SAMD5: variants seen among roughly 807,000 people sequenced by gnomAD.
The protein encoded by SAMD5 is sterile alpha motif domain containing 5, also known as sterile alpha motif domain-containing protein 5.
A neutral mutation model predicts 11.3 loss-of-function variants in SAMD5; 13 were observed. That is an observed-to-expected ratio of 1.15 (90% CI 0.75 to 1.83). The LOEUF is 1.83. Among genes scored for constraint, SAMD5 ranks in the 40% most tolerant of loss-of-function variants. The pLI, the probability that SAMD5 is intolerant of heterozygous loss-of-function variation, is 0.00. For missense variants in SAMD5, 255 were observed against 239.1 expected (o/e 1.07, Z -0.44); for synonymous variants, 129 against 111.3 (o/e 1.16, Z -1.00).
At chr6:147,509,717 A>G (rs1207038199) in intron 1 of SAMD5, among the ~76,000 whole-genome samples, 1 of 152,090 alleles carries the variant, frequency 6.6e-6, no homozygotes, top group African/African-American at 2.4e-5. Context: ...AACGCCCTCT[A>G]TAGTAGTTTT....
chr6:147,525,175 C>T (rs907247430), intron 1 of SAMD5, among the ~76,000 whole-genome samples: 5 of 150,770 alleles, frequency 3.3e-5, no homozygotes, highest in East Asian at 2.0e-4. Flanking sequence ...AAGACTTAGC[C>T]GCCTGTGCCC....
intron 1 of SAMD5, among the ~76,000 whole-genome samples, chr6:147,638,292 A>G (rs1790261196): frequency 6.6e-6 from 1 of 152,244 alleles, no homozygotes; most frequent in South Asian, 2.1e-4. Flanking sequence ...GAGCATTAGC[A>G]TTAGTCCATT....
chr6:147,683,519 G>A (rs577979412), intron 1 of SAMD5, among the ~76,000 whole-genome samples: 5 of 152,284 alleles, frequency 3.3e-5, no homozygotes, highest in Admixed American at 1.3e-4. Flanking sequence ...ATTCTTAAGT[G>A]AAACTGGCTT....
chr6:147,830,884 T>C, the SAMD5 span, among the ~76,000 whole-genome samples: 1 of 152,222 alleles, frequency 6.6e-6, no homozygotes, highest in Non-Finnish European at 1.5e-5. Context: ...AGATTCTTGC[T>C]AGGCAGTTTT....
chr6:147,825,308 AC>A, the SAMD5 span, among the ~76,000 whole-genome samples: 30 of 151,696 alleles, frequency 2.0e-4, no homozygotes, highest in African/African-American at 6.8e-4. Context: ...AAAAACAAAA[AC>A]AAAAACAAAC....
Position 147,566,382 on chromosome 6 carries a change from A to G in SAMD5, c.*1926A>G. 1.0e-6 allele frequency: 1 copy of G among 984,988 alleles called. No individual in the cohort carries two copies. Among genetic ancestry groups the G allele is most frequent in the Non-Finnish European group, 1.2e-6 (1 of 829,426 alleles). The allele number at this position is 984,988 out of a possible 1,614,324, so 61.0% of individuals were successfully genotyped here. ...TCTGTATAGATTACAGATATAATTT[A>G]TTGTGATAACAAATGGCTTCCTGTT... is the stretch of plus-strand genomic sequence containing the variant. On this transcript the variant is annotated 3_prime_UTR_variant, in exon 2 of 2. Transcript: ENST00000367474.
chr6:147,953,461 T>C, the SAMD5 span: 1 of 152,184 alleles, frequency 6.6e-6, no homozygotes, highest in Non-Finnish European at 1.5e-5. Flanking sequence ...CAGCCTAGTG[T>C]TCTATTTACA....
the SAMD5 span, among the ~76,000 whole-genome samples, chr6:147,776,966 T>TA: frequency 6.6e-5 from 10 of 152,332 alleles, no homozygotes; most frequent in African/African-American, 2.4e-4. Flanking sequence ...GCATTGTAGA[T>TA]ATGCCTGCAG....
At chr6:147,930,883 T>C in the SAMD5 span, among the ~76,000 whole-genome samples, 125 of 152,334 alleles carry the variant, frequency 8.2e-4, no homozygotes, top group African/African-American at 2.9e-3. Context: ...TGCAGCCGAT[T>C]GGATGGTGCT....
intron 1 of SAMD5, among the ~76,000 whole-genome samples, chr6:147,525,407 T>C (rs1788321272): frequency 6.7e-6 from 1 of 149,956 alleles, no homozygotes; most frequent in Admixed American, 6.7e-5. Flanking sequence ...GGAGTGGGAA[T>C]ACATTTTGAA....
the SAMD5 span, among the ~76,000 whole-genome samples, chr6:147,832,187 A>G: frequency 1.3e-5 from 2 of 152,176 alleles, no homozygotes; most frequent in Non-Finnish European, 2.9e-5. Context: ...AGGTATAGAG[A>G]GTACGTTCAA....
At chr6:147,712,498 G>C (rs1489411981) in intron 1 of SAMD5, among the ~76,000 whole-genome samples, 1 of 152,184 alleles carries the variant, frequency 6.6e-6, no homozygotes, top group African/African-American at 2.4e-5. Context: ...GTTATGGGCT[G>C]AATGTTTGCT....
the SAMD5 span, among the ~76,000 whole-genome samples, chr6:147,779,313 CTAG>C: frequency 1.3e-5 from 2 of 151,932 alleles, no homozygotes; most frequent in Non-Finnish European, 2.9e-5. Context: ...TGAAATGCTG[CTAG>C]TATAATATGA....
At chr6:147,626,950 C>T (rs1017757705) in intron 1 of SAMD5, among the ~76,000 whole-genome samples, 10 of 152,112 alleles carry the variant, frequency 6.6e-5, no homozygotes, top group Admixed American at 2.0e-4. Flanking sequence ...CTTCTTCTTC[C>T]TCCTCTTCTT....
In SAMD5 at chr6:147,565,232, G is replaced by T; in HGVS notation, c.*776G>T. 1.0e-6 allele frequency: 1 copy of T among 985,784 alleles called. No homozygotes were observed. Among genetic ancestry groups the T allele is most frequent in the Non-Finnish European group, 1.2e-6 (1 of 829,956 alleles). The allele number at this position is 985,784 out of a possible 1,614,324, so 61.1% of individuals were successfully genotyped here. ...TCTTGCACTCTGTGGAGACTGCCAGGGCCGCAGCTCACAGCCTGTTCTGAG... is the reference window on the plus strand; with the variant it reads ...TCTTGCACTCTGTGGAGACTGCCAGTGCCGCAGCTCACAGCCTGTTCTGAG... On this transcript the variant is annotated 3_prime_UTR_variant, in exon 2 of 2. Transcript: ENST00000367474.
At chr6:147,628,909 C>T (rs1383777910) in intron 1 of SAMD5, among the ~76,000 whole-genome samples, 1 of 152,118 alleles carries the variant, frequency 6.6e-6, no homozygotes, top group Non-Finnish European at 1.5e-5. Context: ...AGAATGCATT[C>T]TCCAGTGGAA....
At chr6:147,680,540 A>G (rs1272508358) in intron 1 of SAMD5, among the ~76,000 whole-genome samples, 1 of 152,078 alleles carries the variant, frequency 6.6e-6, no homozygotes, top group African/African-American at 2.4e-5. Flanking sequence ...TAGAACCTCC[A>G]TTACTATGTT....
chr6:147,676,213 G>T (rs1468777285), intron 1 of SAMD5: 1 of 151,884 alleles, frequency 6.6e-6, no homozygotes, highest in East Asian at 1.9e-4. Context: ...AGATGCTGGG[G>T]ACCATTTTGG....
intron 1 of SAMD5, among the ~76,000 whole-genome samples, chr6:147,701,812 C>CT (rs1791257333): frequency 6.6e-6 from 1 of 152,110 alleles, no homozygotes; most frequent in Non-Finnish European, 1.5e-5. Flanking sequence ...TCCATACTGG[C>CT]TTTGGGTAAA....
Sources: gnomAD v4.1 joint callset for allele counts (sites outside exome capture counted in the v4.1 genomes callset) on GRCh38, gnomAD v4.1.1 for gene constraint, MANE v1.5 for transcripts, NCBI Gene and HGNC (gene_info 2026-07-23, HGNC 2026-07-21) for gene names.